RHEBL1: variants seen among roughly 807,000 people sequenced by gnomAD.
RHEBL1 encodes GTPase RhebL1.
In RHEBL1, 22 loss-of-function variants were observed where a neutral mutation model predicts 27.4. The observed-to-expected ratio is 0.80, with a 90% CI of 0.57 to 1.15. The LOEUF is 1.15. Among genes scored for constraint, RHEBL1 ranks in the 50% most tolerant of loss-of-function variants. RHEBL1 has a pLI of 0.00. For missense variants in RHEBL1, 186 were observed against 226.5 expected, an observed-to-expected ratio of 0.82 and a Z score of 1.15; for synonymous variants, 85 against 80.8, an observed-to-expected ratio of 1.05 and a Z score of -0.28.
chr12:49,066,436 T>G, intron 5 of RHEBL1, 40 bp downstream of exon 5: 1 of 1,580,996 alleles, frequency 6.3e-7, no homozygotes, highest in Non-Finnish European at 8.7e-7. Context: ...TCCCACCCCC[T>G]CATGCCCACA....
chr12:49,069,252 C>G, intron 1 of RHEBL1, 146 bp from the exon 2 acceptor site: 4 of 1,374,586 alleles, frequency 2.9e-6, no homozygotes, highest in Non-Finnish European at 3.9e-6. Context: ...TCCTTTGTGT[C>G]TACCCTCACC....
In RHEBL1 at chr12:49,069,936, C is replaced by T. The variant is rs748490659; in HGVS notation, c.-151G>A. 10 of 675,188 alleles carry T rather than the reference C, an allele frequency of 1.5e-5. No individual in the cohort carries two copies. Among genetic ancestry groups the T allele is most frequent in the Non-Finnish European group, 2.4e-5 (9 of 381,336 alleles). 41.8% of individuals were successfully genotyped at this position (675,188 alleles called of 1,614,324 possible). A position where few individuals can be genotyped will look rare whatever the true frequency, so the allele number is the denominator to read the frequency against. ...GTTAGAAGGAAACCAAAACAAGCGC[C>T]GCGCCCGGAGCTGCCCACGTGATCA... On this transcript the variant is annotated 5_prime_UTR_variant, in exon 1 of 8. Coordinates refer to ENST00000301068, the MANE Select transcript of RHEBL1 (RefSeq NM_144593.3).
At chr12:49,069,159 CCT>C in intron 1 of RHEBL1, 53 bp from the exon 2 acceptor site, 1 of 1,613,730 alleles carries the variant, frequency 6.2e-7, no homozygotes, top group African/African-American at 1.3e-5. Context: ...ACATTCACAT[CCT>C]CTGTCCTTTC....
At position 49,066,970 on chromosome 12, in the gene RHEBL1, G is replaced by T. The variant is rs770342326; in HGVS notation, c.190C>A (p.Gln64Lys). 1 of 1,612,058 alleles carries T rather than the reference G, an allele frequency of 6.2e-7. No homozygotes were observed. Among genetic ancestry groups the T allele is most frequent in the Non-Finnish European group, 8.5e-7 (1 of 1,178,126 alleles). The change falls in exon 3 of 8, where the codon CAG (glutamine) becomes AAG (lysine). Residue 64 changes from glutamine (Q) to lysine (K), a missense_variant and splice_region_variant. By Grantham distance (53) the Gln-to-Lys change is moderately conservative. Transcript: ENST00000301068. ...FHLHLVDTAGQDEYSILPYSF... is the reference protein window; with the variant it reads ...FHLHLVDTAGKDEYSILPYSF... ...GGATACCATACCCCAACTGGTACCT[G>T]CCCTGCTGTGTCCACCAGATGTAGG...
chr12:49,067,000 ACT>A lies in RHEBL1; in HGVS notation c.158_159del (p.Glu53ValfsTer13). On this transcript the variant is annotated frameshift_variant, in exon 3 of 8. Transcript: ENST00000301068. LOFTEE classifies it high-confidence loss of function. ...GCTGTGTCCACCAGATGTAGGTGAA[ACT>A]CATCTTTGCCAAGAGTCACTATCTT... ...YSKIVTLGKD[E>X]FHLHLVDTAG... 6.2e-7 allele frequency: 1 copy of A among 1,613,938 alleles called. No individual in the cohort carries two copies.
chr12:49,065,928 A>G (rs1456406376), intron 6 of RHEBL1, among the ~76,000 whole-genome samples: 1 of 152,108 alleles, frequency 6.6e-6, no homozygotes, highest in Non-Finnish European at 1.5e-5. Context: ...CCGTCTAAAA[A>G]AAAAAAAAAT....
intron 1 of RHEBL1, among the ~76,000 whole-genome samples, chr12:49,069,333 G>A (rs907258511): frequency 6.6e-5 from 10 of 152,038 alleles, no homozygotes; most frequent in African/African-American, 2.4e-4. Context: ...AGCCTTTCCC[G>A]CCGCCTTCCC....
chr12:49,068,558 C>T (rs1939036018), intron 2 of RHEBL1, among the ~76,000 whole-genome samples: 1 of 151,274 alleles, frequency 6.6e-6, no homozygotes, highest in South Asian at 2.1e-4. Context: ...ACCTCAGTCT[C>T]CTTTGTAGCT....
At chr12:49,067,165 T>C (rs2120759286) in intron 2 of RHEBL1, 130 bp from the exon 3 acceptor site, 1 of 624,764 alleles carries the variant, frequency 1.6e-6, no homozygotes, top group Admixed American at 2.8e-5. Context: ...TGCAGTGGCA[T>C]GATCTCAGCT....
Position 49,064,949 on chromosome 12 carries a change from G to T in RHEBL1, c.*154C>A. 6 of 625,752 alleles carry T rather than the reference G, an allele frequency of 9.6e-6. No homozygotes were observed. Among genetic ancestry groups the T allele is most frequent in the Non-Finnish European group, 1.7e-5 (6 of 347,340 alleles). The allele number at this position is 625,752 out of a possible 1,614,324, so 38.8% of individuals were successfully genotyped here. A position where few individuals can be genotyped will look rare whatever the true frequency, so the allele number is the denominator to read the frequency against. On this transcript the variant is annotated 3_prime_UTR_variant, in exon 8 of 8. Transcript: ENST00000301068. ...TGACATCCAGGCCACTGGAGCCTGG[G>T]GAAAGTGTGCAAACATGAGGATGCC...
chr12:49,066,310 CCT>C, intron 5 of RHEBL1, 32 bp from the exon 6 acceptor site: 1 of 1,608,940 alleles, frequency 6.2e-7, no homozygotes, highest in Non-Finnish European at 8.5e-7. Context: ...TTCAGAATCC[CCT>C]CATTCCCCGC....
Position 49,066,318 on chromosome 12 carries a change from C to T in RHEBL1, c.333-40G>A, listed in dbSNP as rs377588652. On this transcript the variant is annotated intron_variant, in intron 5 of 7. Transcript: ENST00000301068. ...CAGTTACTTCAGAATCCCCTCATTC[C>T]CCGCATTCCCCAACTCCTTACATCA... 5.9e-5 allele frequency: 94 copies of T among 1,599,664 alleles called. No individual in the cohort carries two copies. In the African/African-American group the frequency reaches 7.6e-4, roughly 13 times the overall value.
Position 49,066,227 on chromosome 12 carries a change from A to C in RHEBL1, c.380+4T>G. 1 of 1,612,052 alleles carries C rather than the reference A, an allele frequency of 6.2e-7. No individual in the cohort carries two copies. Among genetic ancestry groups the C allele is most frequent in the Non-Finnish European group, 8.5e-7 (1 of 1,178,114 alleles). ...TTTGCTCTGAGTAGCAGAGATTTAC[A>C]TACCTCTCTGGAGAGAGATCTGCCT... On this transcript the variant is annotated splice_donor_region_variant and intron_variant, in intron 6 of 7. Transcript: ENST00000301068.
Position 49,066,212 on chromosome 12 carries a change from G to A in RHEBL1, c.380+19C>T. The stretch of plus-strand genomic sequence containing the variant: ...TCCATTTCACTTCCTTTTGCTCTGA[G>A]TAGCAGAGATTTACATACCTCTCTG... On this transcript the variant is annotated intron_variant, in intron 6 of 7. Transcript: ENST00000301068. The A allele has an allele frequency of 1.2e-6, 2 of 1,606,038 alleles. No homozygotes were observed. Among genetic ancestry groups the A allele is most frequent in the South Asian group, 1.1e-5 (1 of 90,894 alleles).
rs970589620 is a variant in RHEBL1 at position 49,066,547 on chromosome 12, A to G, written c.276-15T>C. 6.2e-7 allele frequency: 1 copy of G among 1,614,058 alleles called. No individual in the cohort carries two copies. The highest frequency in any genetic ancestry group is 8.5e-7 in the Non-Finnish European group (1 of 1,180,028). On this transcript the variant is annotated splice_polypyrimidine_tract_variant and intron_variant, in intron 4 of 7. Coordinates refer to ENST00000301068, the MANE Select transcript of RHEBL1 (RefSeq NM_144593.3). ...TGACTTGGAAGCTTTAAACACAAGA[A>G]TTGGAGCTATAACTTTATGAGACAG... is the stretch of plus-strand genomic sequence containing the variant.
chr12:49,065,044 C>T lies in RHEBL1; in HGVS notation c.*59G>A. 4.0e-6 allele frequency: 5 copies of T among 1,247,536 alleles called. No homozygotes were observed. The highest frequency in any genetic ancestry group is 1.5e-5 in the African/African-American group (1 of 67,834). The allele number at this position is 1,247,536 out of a possible 1,614,324, so 77.3% of individuals were successfully genotyped here. On this transcript the variant is annotated 3_prime_UTR_variant, in exon 8 of 8. Transcript: ENST00000301068. ...CGTGAAGTCCTGAGGATCTGCCCCCCACTGGAACATGGCAAGTGCCGGGGG... is the reference window on the plus strand; with the variant it reads ...CGTGAAGTCCTGAGGATCTGCCCCCTACTGGAACATGGCAAGTGCCGGGGG...
At chr12:49,067,957 ATTCTT>A (rs1273906046) in intron 2 of RHEBL1, among the ~76,000 whole-genome samples, 1 of 151,940 alleles carries the variant, frequency 6.6e-6, no homozygotes, top group Non-Finnish European at 1.5e-5. Flanking sequence ...AACCATTTGA[ATTCTT>A]CTCTTCTAGC....
chr12:49,069,036 A>G lies in RHEBL1; in HGVS notation c.123T>C (p.Asn41=). The G allele has an allele frequency of 6.2e-7, 1 of 1,613,228 alleles. No homozygotes were observed. Among genetic ancestry groups the G allele is most frequent in the Non-Finnish European group, 8.5e-7 (1 of 1,179,482 alleles). ...FSEGYDPTVE[N]TYSKIVTLGK... ...ACACTAGGGGAGAAGTCTACTCACT[A>G]TTCTCCACTGTAGGATCGTAGCCTT... Residue 41 remains asparagine (N), a splice_region_variant and synonymous_variant, in exon 2 of 8, where the codon AAT becomes AAC. Transcript: ENST00000301068.
At chr12:49,067,162 G>C in intron 2 of RHEBL1, 127 bp from the exon 3 acceptor site, 1 of 634,392 alleles carries the variant, frequency 1.6e-6, no homozygotes, top group Non-Finnish European at 2.7e-6. Flanking sequence ...GGCTGCAGTG[G>C]CATGATCTCA....
Sources: allele counts gnomAD v4.1 joint callset (sites outside exome capture counted in the v4.1 genomes callset), GRCh38; gene constraint gnomAD v4.1.1; transcripts MANE v1.5; gene names NCBI Gene and HGNC (gene_info 2026-07-23, HGNC 2026-07-21).